ZFAT: variants seen among roughly 807,000 people sequenced by gnomAD.
ZFAT encodes zinc finger and AT-hook domain containing.
Under a neutral mutation model 117.7 loss-of-function variants are expected in ZFAT, and 64 were observed. The observed-to-expected ratio is 0.54, with a 90% CI of 0.44 to 0.67. The LOEUF (loss-of-function observed/expected upper bound fraction) is 0.67, where lower values mean the gene tolerates loss of function less well. Among genes scored for constraint, ZFAT ranks in the 30% least tolerant of loss-of-function variants. The probability of loss-of-function intolerance (pLI) is 0.00; values close to 1 mark genes in which losing one functional copy is unlikely to be tolerated. For synonymous variants in ZFAT, 679 were observed against 615.0 expected, an observed-to-expected ratio of 1.10 and a Z score of -1.54; for missense variants, 1,433 against 1,584.5, an observed-to-expected ratio of 0.90 and a Z score of 1.62.
At chr8:134,727,009 G>A in the ZFAT span, among the ~76,000 whole-genome samples, 1 of 151,942 alleles carries the variant, frequency 6.6e-6, no homozygotes, top group African/African-American at 2.4e-5. Flanking sequence ...CCTGATGCTC[G>A]CCTAACCTTC....
chr8:134,653,302 G>A lies in ZFAT; in HGVS notation c.196+4259C>T, dbSNP rs569262922. ...AAAAAAAAAAAAAAACAAAAAACAG[G>A]GTCTCACTCTATCACCCAGGCTGGA... On this transcript the variant is annotated intron_variant, in intron 2 of 15. Coordinates refer to ENST00000377838, the MANE Select transcript of ZFAT (RefSeq NM_020863.4). Among the ~76,000 whole-genome samples the A allele has an allele frequency of 6.1e-4, 78 of 128,474 alleles. 1 individual carries two copies. Among genetic ancestry groups the A allele is most frequent in the African/African-American group, 1.9e-3 (73 of 37,886 alleles). 84.3% of individuals were successfully genotyped at this position (128,474 alleles called of 152,430 possible).
chr8:134,652,638 AT>A (rs1831316627), intron 2 of ZFAT, among the ~76,000 whole-genome samples: 1 of 152,240 alleles, frequency 6.6e-6, no homozygotes, highest in African/African-American at 2.4e-5. Flanking sequence ...ATGAACAGTA[AT>A]TCACAGATGT....
the ZFAT span, among the ~76,000 whole-genome samples, chr8:134,802,192 A>C: frequency 7.9e-5 from 12 of 152,232 alleles, no homozygotes; most frequent in Non-Finnish European, 1.5e-4. Flanking sequence ...GGGTCCACCC[A>C]CAATTAACCA....
chr8:134,633,086 A>G (rs922356788), intron 3 of ZFAT, among the ~76,000 whole-genome samples: 1 of 152,120 alleles, frequency 6.6e-6, no homozygotes, highest in Admixed American at 6.5e-5. Context: ...AATGTAAAAT[A>G]TGCCCTATTT....
intron 1 of ZFAT, among the ~76,000 whole-genome samples, chr8:134,665,882 C>T (rs1014362739): frequency 1.3e-5 from 2 of 152,192 alleles, no homozygotes; most frequent in African/African-American, 2.4e-5. Context: ...GCAGGCTGGG[C>T]TTGACACAGA....
In ZFAT at chr8:134,600,502, A is replaced by G. The variant is rs894344; in HGVS notation, c.2409T>C (p.Asp803=). 0.43 allele frequency: 689,387 copies of G among 1,613,818 alleles called. 150,330 individuals carry two copies. Among genetic ancestry groups the G allele is most frequent in the Admixed American group, 0.61 (36,894 of 60,000 alleles). Residue 803 remains aspartate, a synonymous_variant, in exon 7 of 16, where the codon GAT becomes GAC. Transcript: ENST00000377838. ...TATCTGGAGTTGAGTAGTCACAGCC[A>G]TCGGTGGGACACTTCAGCAAGATGT... ...HSNILLKCPT[D]GCDYSTPDKY...
chr8:134,507,584 T>C (rs1048097976), intron 15 of ZFAT, among the ~76,000 whole-genome samples: 1 of 152,236 alleles, frequency 6.6e-6, no homozygotes, highest in Non-Finnish European at 1.5e-5. Flanking sequence ...CGCAAACACA[T>C]TTAGCTTGTC....
At chr8:134,637,837 G>A in intron 2 of ZFAT, 125 bp from the exon 3 acceptor site, 1 of 1,312,326 alleles carries the variant, frequency 7.6e-7, no homozygotes, top group Non-Finnish European at 1.0e-6. Flanking sequence ...AGTCTAAAGT[G>A]ATTCCAGACA....
the ZFAT span, among the ~76,000 whole-genome samples, chr8:134,829,131 T>C: frequency 6.6e-6 from 1 of 152,252 alleles, no homozygotes; most frequent in African/African-American, 2.4e-5. Context: ...TTTTACTCAA[T>C]GGTGAAAAGC....
At chr8:134,791,843 G>A in the ZFAT span, among the ~76,000 whole-genome samples, 1 of 152,154 alleles carries the variant, frequency 6.6e-6, no homozygotes, top group Non-Finnish European at 1.5e-5. Flanking sequence ...GACATAAGCT[G>A]GGAGTTTCTG....
chr8:134,589,786 G>A (rs1485020279), intron 8 of ZFAT, among the ~76,000 whole-genome samples: 2 of 152,224 alleles, frequency 1.3e-5, no homozygotes, highest in Admixed American at 6.5e-5. Context: ...GTTCCAGGTG[G>A]CACGAACAGA....
intron 11 of ZFAT, among the ~76,000 whole-genome samples, chr8:134,535,514 TCTCC>T (rs1448934101): frequency 2.7e-5 from 1 of 36,630 alleles, no homozygotes; most frequent in Non-Finnish European, 5.2e-5. Flanking sequence ...TCTCCCTCCC[TCTCC>T]CTCCCTCTCT....
chr8:134,526,007 C>G (rs1013071485), intron 12 of ZFAT, among the ~76,000 whole-genome samples: 5 of 152,124 alleles, frequency 3.3e-5, no homozygotes, highest in African/African-American at 1.2e-4. Context: ...CTTCAATCAC[C>G]TTTTAAAAAC....
chr8:134,688,942 C>T (rs1170450283), intron 1 of ZFAT, among the ~76,000 whole-genome samples: 1 of 152,136 alleles, frequency 6.6e-6, no homozygotes, highest in Non-Finnish European at 1.5e-5. Flanking sequence ...GAGTTTATTC[C>T]AGTGAAGCAC....
At chr8:134,618,909 T>C (rs1828920735) in intron 3 of ZFAT, among the ~76,000 whole-genome samples, 1 of 152,202 alleles carries the variant, frequency 6.6e-6, no homozygotes, top group African/African-American at 2.4e-5. Flanking sequence ...CCTCTGGAGT[T>C]TACATGCTAG....
chr8:134,530,825 G>A (rs921362508), intron 12 of ZFAT, among the ~76,000 whole-genome samples: 2 of 151,932 alleles, frequency 1.3e-5, no homozygotes, highest in African/African-American at 2.4e-5. Context: ...TATTCACATG[G>A]CATTTACATT....
At chr8:134,626,638 C>T (rs1586843481) in intron 3 of ZFAT, among the ~76,000 whole-genome samples, 1 of 152,238 alleles carries the variant, frequency 6.6e-6, no homozygotes, top group East Asian at 1.9e-4. Flanking sequence ...GAGGGGATGG[C>T]TCAGGGAAGT....
the ZFAT span, among the ~76,000 whole-genome samples, chr8:134,816,585 C>T: frequency 6.6e-6 from 1 of 151,886 alleles, no homozygotes; most frequent in African/African-American, 2.4e-5. Flanking sequence ...ATCCTAATTT[C>T]AAATGAAAAG....
chr8:134,656,205 C>T (rs1278378641), intron 2 of ZFAT, among the ~76,000 whole-genome samples: 1 of 152,114 alleles, frequency 6.6e-6, no homozygotes, highest in Non-Finnish European at 1.5e-5. Context: ...TCTCACTGTC[C>T]CATGCAAACT....
Sources: gnomAD v4.1 joint callset for allele counts (sites outside exome capture counted in the v4.1 genomes callset) on GRCh38, gnomAD v4.1.1 for gene constraint, MANE v1.5 for transcripts, NCBI Gene and HGNC (gene_info 2026-07-23, HGNC 2026-07-21) for gene names.